PRDM11: variants seen among roughly 807,000 people sequenced by gnomAD.
PRDM11 encodes PR/SET domain 11, also known as PR domain-containing protein 11.
PRDM11 carries 20 observed loss-of-function variants against 97.8 expected under a neutral mutation model. The ratio of observed to expected loss-of-function variants is 0.20; its 90% confidence interval spans 0.14 to 0.30. PRDM11 has a LOEUF of 0.30. Ranked by LOEUF, PRDM11 falls within the 10% of genes least tolerant of loss-of-function variation. The pLI is 1.00. For synonymous variants in PRDM11, 599 were observed against 637.7 expected (o/e 0.94, Z 0.91); for missense variants, 1,139 against 1,555.2 (o/e 0.73, Z 4.50).
intron 1 of PRDM11, among the ~76,000 whole-genome samples, chr11:45,151,642 A>G (rs1312448189): frequency 6.6e-6 from 1 of 152,238 alleles, no homozygotes; most frequent in African/African-American, 2.4e-5. Flanking sequence ...GAGATAGGCA[A>G]ATAACCAGGC....
In PRDM11 at chr11:45,219,765, C is replaced by T. The variant is rs898175752; in HGVS notation, c.742+8C>T. The T allele has an allele frequency of 1.2e-6, 2 of 1,610,674 alleles. No homozygotes were observed. Among genetic ancestry groups the T allele is most frequent in the Admixed American group, 1.7e-5 (1 of 59,890 alleles). ...ACCGCAACCTGGCCAGAGGTGAGTG[C>T]CATGCTCCACATGAGCTGCGCCCAC... On this transcript the variant is annotated splice_region_variant and intron_variant, in intron 6 of 7. Coordinates refer to ENST00000683152, the MANE Select transcript of PRDM11 (RefSeq NM_001384648.1). This position sits in a 1 kb window ranked among gnomAD's most constrained non-coding sequence, Gnocchi z 4.2.
At chr11:45,153,977 G>A (rs1328136865) in intron 1 of PRDM11, among the ~76,000 whole-genome samples, 1 of 152,166 alleles carries the variant, frequency 6.6e-6, no homozygotes, top group African/African-American at 2.4e-5. Context: ...ATCTTCTTAA[G>A]AAAACCACAT....
At position 45,226,390 on chromosome 11, in the gene PRDM11, A is replaced by T. The variant is rs1170476625; in HGVS notation, c.1765A>T (p.Met589Leu). 9 of 1,533,848 alleles carry T rather than the reference A, an allele frequency of 5.9e-6. No individual in the cohort carries two copies. Among genetic ancestry groups the T allele is most frequent in the Non-Finnish European group, 7.8e-6 (9 of 1,146,748 alleles). ...PEKTEEMCRN[M>L]TLLFNTAYHL... ...GAAGACAGAGGAGATGTGTCGCAAC[A>T]TGACCCTGCTCTTCAACACCGCCTA... Residue 589 changes from methionine (M) to leucine (L), a missense_variant, in exon 8 of 8, where the codon ATG (methionine) becomes TTG (leucine). Met to Leu is a conservative substitution (Grantham distance 15). This residue lies in a region of PRDM11 where 710 missense variants were observed against 1,044.9 expected (regional missense o/e 0.68). Transcript: ENST00000683152.
chr11:45,118,195 T>C (rs1852345143), intron 1 of PRDM11, among the ~76,000 whole-genome samples: 1 of 152,190 alleles, frequency 6.6e-6, no homozygotes, highest in African/African-American at 2.4e-5. Flanking sequence ...TGCAATGTGG[T>C]ATCCTGGATA....
At chr11:45,185,841 A>C (rs1852685551) in intron 4 of PRDM11, among the ~76,000 whole-genome samples, 1 of 152,086 alleles carries the variant, frequency 6.6e-6, no homozygotes, top group Non-Finnish European at 1.5e-5. Context: ...TGATTAAGTT[A>C]AGGATCTTGA....
chr11:45,100,364 C>A lies in PRDM11; in HGVS notation c.96+4463C>A, dbSNP rs77512865. Among the ~76,000 whole-genome samples, 145 of 152,222 alleles carry A rather than the reference C, an allele frequency of 9.5e-4. 1 individual carries two copies. In the East Asian group the frequency reaches 0.02, roughly 21 times the overall value. On this transcript the variant is annotated intron_variant, in intron 1 of 6. Transcript: ENST00000530656. ...CAGGAGAAAAAAATAGGCAGAGGGG[C>A]CACCCCATGTCATAGGTGAAGAAAC...
rs539944100 is a variant in PRDM11, at chr11:45,208,609, C to T, written c.554+3831C>T. 1.5e-4 allele frequency among the ~76,000 whole-genome samples: 23 copies of T among 152,224 alleles called. No individual in the cohort carries two copies. In the South Asian group the frequency reaches 3.9e-3, roughly 26 times the overall value. On this transcript the variant is annotated intron_variant, in intron 5 of 7. Coordinates refer to ENST00000683152, the MANE Select transcript of PRDM11 (RefSeq NM_001384648.1). ...GAACATGAACTGCCCTAGCTCTCACCGCTAGTAAGAGCTAAAGCAGGCCCT... is the reference window on the plus strand; with the variant it reads ...GAACATGAACTGCCCTAGCTCTCACTGCTAGTAAGAGCTAAAGCAGGCCCT...
At chr11:45,142,846 C>T (rs1034435625), upstream of PRDM11, among the ~76,000 whole-genome samples, 10 of 152,204 alleles carry the variant, frequency 6.6e-5, no homozygotes, top group Non-Finnish European at 1.5e-4. Context: ...CAGGTCCCTT[C>T]AGCAGCTCTT....
chr11:45,103,139 T>C (rs1238893284), intron 1 of PRDM11, among the ~76,000 whole-genome samples: 2 of 152,230 alleles, frequency 1.3e-5, no homozygotes, highest in African/African-American at 2.4e-5. Flanking sequence ...CAGTTGCCTC[T>C]GCCATGTCTA....
At chr11:45,099,869 C>T (rs1171842002) in intron 1 of PRDM11, among the ~76,000 whole-genome samples, 2 of 152,270 alleles carry the variant, frequency 1.3e-5, no homozygotes, top group East Asian at 1.9e-4. Flanking sequence ...GTGAGCTCTT[C>T]AGCCTGTCTC....
chr11:45,146,846 G>T lies in PRDM11; in HGVS notation c.-38G>T, dbSNP rs1299350099. ...CCCGCCGGGCCGCTCTCGCCGCCCG[G>T]GCCCCGCGGCTGCCGCAGCATTCCC... On this transcript the variant is annotated 5_prime_UTR_variant, in exon 1 of 8. Transcript: ENST00000683152. The T allele has an allele frequency of 1.4e-5, 2 of 143,048 alleles. No homozygotes were observed. Among genetic ancestry groups the T allele is most frequent in the Admixed American group, 7.0e-5 (1 of 14,238 alleles). 8.9% of individuals were successfully genotyped at this position (143,048 alleles called of 1,614,324 possible). A position where few individuals can be genotyped will look rare whatever the true frequency, so the allele number is the denominator to read the frequency against.
intron 1 of PRDM11, among the ~76,000 whole-genome samples, chr11:45,118,690 C>T (rs1482021144): frequency 6.6e-6 from 1 of 152,174 alleles, no homozygotes; most frequent in Admixed American, 6.5e-5. Flanking sequence ...GAACTTCCTC[C>T]ATATGATAAA....
At chr11:45,181,978 C>A in intron 2 of PRDM11, 93 bp downstream of exon 2, 1 of 1,142,786 alleles carries the variant, frequency 8.8e-7, no homozygotes, top group Non-Finnish European at 1.2e-6. Flanking sequence ...CGTTCTCACT[C>A]CTTGCCCACC....
At chr11:45,142,884 A>C (rs1851434504), upstream of PRDM11, among the ~76,000 whole-genome samples, 1 of 152,226 alleles carries the variant, frequency 6.6e-6, no homozygotes, top group South Asian at 2.1e-4. Flanking sequence ...TAAAGCATTT[A>C]TCTCTTACCA....
intron 4 of PRDM11, among the ~76,000 whole-genome samples, chr11:45,196,028 C>T (rs1456864213): frequency 3.3e-5 from 5 of 152,054 alleles, no homozygotes; most frequent in African/African-American, 4.8e-5. Flanking sequence ...TTATTTCTTT[C>T]GGGCATAATA....
intron 1 of PRDM11, among the ~76,000 whole-genome samples, chr11:45,150,593 A>G (rs1229187563): frequency 1.3e-5 from 2 of 152,182 alleles, no homozygotes; most frequent in Non-Finnish European, 2.9e-5. Context: ...TGGCTTGTAG[A>G]GTACAGATGG....
chr11:45,219,679 C>T lies in PRDM11; in HGVS notation c.664C>T (p.Arg222Trp), dbSNP rs1267067403. Residue 222 changes from arginine to tryptophan, a missense_variant, in exon 6 of 8, where the codon CGG (arginine) becomes TGG (tryptophan). Physicochemically the swap from Arg to Trp is moderately radical, Grantham distance 101. Coordinates refer to ENST00000683152, the MANE Select transcript of PRDM11 (RefSeq NM_001384648.1). This position sits in a 1 kb window ranked among gnomAD's most constrained non-coding sequence, Gnocchi z 4.2. ...GGACATCCGGCCTGGGGAGTGGCTGCGGGTCTGGTACAGCGAGGACTACAT... is the reference window on the plus strand; with the variant it reads ...GGACATCCGGCCTGGGGAGTGGCTGTGGGTCTGGTACAGCGAGGACTACAT... ...CRDIRPGEWL[R>W]VWYSEDYMKR... 6.2e-7 allele frequency: 1 copy of T among 1,614,016 alleles called. No individual in the cohort carries two copies. The highest frequency in any genetic ancestry group is 1.1e-5 in the South Asian group (1 of 91,064).
chr11:45,161,644 G>T (rs1445955881), intron 1 of PRDM11, among the ~76,000 whole-genome samples: 1 of 152,254 alleles, frequency 6.6e-6, no homozygotes, highest in African/African-American at 2.4e-5. Context: ...GAGAGTCCCG[G>T]GACGGCTCTG....
At chr11:45,182,761 T>C in intron 3 of PRDM11, 100 bp from the exon 4 acceptor site, 2 of 1,387,448 alleles carry the variant, frequency 1.4e-6, no homozygotes, top group Non-Finnish European at 9.8e-7. Context: ...TGCAGCTGGC[T>C]GTCCATGAGT....
Sources: gnomAD v4.1 joint callset for allele counts (sites outside exome capture counted in the v4.1 genomes callset) on GRCh38, gnomAD v4.1.1 for gene constraint, gnomAD v4.1.1 regional missense constraint, Gnocchi (gnomAD v3.1) non-coding constraint, MANE v1.5 for transcripts, NCBI Gene and HGNC (gene_info 2026-07-23, HGNC 2026-07-21) for gene names.